The following TNS1 variants were observed in gnomAD, a reference collection of about 807,000 sequenced individuals.
TNS1 encodes tensin-1.
TNS1 carries 62 observed loss-of-function variants against 168.6 expected under a neutral mutation model. The ratio of observed to expected loss-of-function variants is 0.37; its 90% CI spans 0.30 to 0.45. The LOEUF is 0.45. TNS1 is among the 20% of genes least tolerant of loss of function. TNS1 has a pLI of 1.00. For missense variants in TNS1, 2,240 were observed against 2,339.4 expected (o/e 0.96, Z 0.88); for synonymous variants, 934 against 933.2 (o/e 1.00, Z -0.02).
chr2:218,009,580 T>C (rs1958688289), intron 1 of TNS1, among the ~76,000 whole-genome samples: 1 of 147,180 alleles, frequency 6.8e-6, no homozygotes, highest in African/African-American at 2.5e-5. Flanking sequence ...TCCAGTTCCC[T>C]GGTCCCTCCA....
chr2:217,849,858 C>T (rs1055904199), intron 18 of TNS1: 3 of 985,334 alleles, frequency 3.0e-6, no homozygotes, highest in Non-Finnish European at 3.6e-6. Flanking sequence ...AGGGCCCCAC[C>T]ATGCCCAAGG....
rs1216232621 is a variant in TNS1, at chr2:217,809,252, C to CATGG, written c.5273+567_5273+570dup. On this transcript the variant is annotated intron_variant, in intron 30 of 32. Coordinates refer to ENST00000682258, the MANE Select transcript of TNS1 (RefSeq NM_001387777.1). The stretch of plus-strand genomic sequence containing the variant: ...GGATGGATGGATGGATGGATGGATG[C>CATGG]ATGGATGGATGGATGGATGGATGGA... Among the ~76,000 whole-genome samples, 5 of 12,102 alleles carry CATGG rather than the reference C, an allele frequency of 4.1e-4. 2 individuals carry two copies. The highest frequency in any genetic ancestry group is 4.6e-3 in the South Asian group (2 of 436). 7.9% of individuals were successfully genotyped at this position (12,102 alleles called of 152,430 possible). A position where few individuals can be genotyped will look rare whatever the true frequency, so the allele number is the denominator to read the frequency against.
At chr2:217,890,910 A>G in intron 12 of TNS1, 52 bp downstream of exon 12, 1 of 1,584,608 alleles carries the variant, frequency 6.3e-7, no homozygotes, top group African/African-American at 1.3e-5. Flanking sequence ...TAGTCCCCAC[A>G]TAGAGTGAGT....
In TNS1 at chr2:217,842,031, C is replaced by A. The variant is rs1190752179; in HGVS notation, c.3007+5479G>T. 7.1e-6 allele frequency: 5 copies of A among 702,120 alleles called. No individual in the cohort carries two copies. In the African/African-American group the frequency reaches 8.7e-5, roughly 12 times the overall value. 43.5% of individuals were successfully genotyped at this position (702,120 alleles called of 1,614,324 possible). ...GCCAACATTGCCCCTGCCCTGGCCC[C>A]CAGAGTTCAAGCTATGTTACCTTTC... On this transcript the variant is annotated intron_variant, in intron 19 of 32. Coordinates refer to ENST00000682258, the MANE Select transcript of TNS1 (RefSeq NM_001387777.1).
chr2:217,871,219 A>T (rs1374246182), intron 18 of TNS1, among the ~76,000 whole-genome samples: 1 of 152,196 alleles, frequency 6.6e-6, no homozygotes, highest in East Asian at 1.9e-4. Context: ...CTCTCCTGCT[A>T]GTATCTCAGC....
At position 217,848,895 on chromosome 2, in the gene TNS1, T is replaced by A. The variant is rs1380570457; in HGVS notation, c.1622A>T (p.Asp541Val). 1 of 1,613,906 alleles carries A rather than the reference T, an allele frequency of 6.2e-7. No individual in the cohort carries two copies. Among genetic ancestry groups the A allele is most frequent in the African/African-American group, 1.3e-5 (1 of 74,870 alleles). ...CCCGGGGACAGGCTCGTCGGTCTTG[T>A]CGGTCTTGGTGGAGGCTGTGGAGTT... ...SGNSTASTKT[D>V]KTDEPVPGAS... The change falls in exon 19 of 33, where the codon GAC (aspartate) becomes GTC (valine). Residue 541 changes from aspartate to valine, a missense_variant. Coordinates refer to ENST00000682258, the MANE Select transcript of TNS1 (RefSeq NM_001387777.1).
chr2:217,829,919 A>G, intron 22 of TNS1: 1 of 1,611,782 alleles, frequency 6.2e-7, no homozygotes, highest in Non-Finnish European at 8.5e-7. Flanking sequence ...GAGGAAGGAG[A>G]GGCAGGAAAG....
chr2:217,984,012 C>G (rs1179732696), intron 2 of TNS1, among the ~76,000 whole-genome samples: 1 of 152,130 alleles, frequency 6.6e-6, no homozygotes, highest in Non-Finnish European at 1.5e-5. Context: ...TGGGCCTCAT[C>G]CAATCAGTTG....
chr2:217,980,538 GA>G, intron 2 of TNS1, among the ~76,000 whole-genome samples: 1 of 134,014 alleles, frequency 7.5e-6, no homozygotes, highest in Non-Finnish European at 1.6e-5. Flanking sequence ...GAGAGAGAGA[GA>G]GAGAGAGGAG....
At position 217,817,751 on chromosome 2, in the gene TNS1, A is replaced by G. The variant is rs12694422; in HGVS notation, c.4581T>C (p.Ser1527=). ...SPVASGMSSP[S]GGSTVSFSHT... is the part of the protein sequence containing the mutation. ...GGGAGAAGGAGACGGTGCTGCCCCC[A>G]CTGGGACTGGACATGCCGCTGGCGA... is the stretch of plus-strand genomic sequence containing the variant. The change falls in exon 24 of 33, where the codon AGT becomes AGC. Residue 1527 remains serine (S), a synonymous_variant. Coordinates refer to ENST00000682258, the MANE Select transcript of TNS1 (RefSeq NM_001387777.1). 0.4 allele frequency: 651,704 copies of G among 1,612,754 alleles called. 132,737 individuals are homozygous for G. The highest frequency in any genetic ancestry group is 0.49 in the Middle Eastern group (2,985 of 6,058).
chr2:217,900,279 A>T (rs1400119215), intron 7 of TNS1, among the ~76,000 whole-genome samples, 184 bp downstream of exon 7: 1 of 152,256 alleles, frequency 6.6e-6, no homozygotes, highest in Non-Finnish European at 1.5e-5. Flanking sequence ...TAAGAGCTCA[A>T]AACACAACTG....
intron 17 of TNS1, chr2:217,881,554 C>T (rs2888521): frequency 0.11 from 17,098 of 153,514 alleles, 1,117 homozygotes; most frequent in South Asian, 0.25. Context: ...CTAGGGGGCA[C>T]GGCAGAATCT....
At chr2:217,811,501 C>T (rs200900194) in intron 28 of TNS1, among the ~76,000 whole-genome samples, 1 of 152,134 alleles carries the variant, frequency 6.6e-6, no homozygotes, top group East Asian at 1.9e-4. Context: ...CCAGGAGCTC[C>T]AAGAAAGACT....
At chr2:217,956,370 G>A (rs1411509800) in intron 3 of TNS1, among the ~76,000 whole-genome samples, 1 of 152,088 alleles carries the variant, frequency 6.6e-6, no homozygotes, top group Non-Finnish European at 1.5e-5. Flanking sequence ...GAGGCTCCTG[G>A]AGGGAACATG....
chr2:217,835,325 C>T (rs1945018536), intron 20 of TNS1, among the ~76,000 whole-genome samples, 159 bp from the exon 21 acceptor site: 1 of 152,196 alleles, frequency 6.6e-6, no homozygotes, highest in African/African-American at 2.4e-5. Context: ...CAGGTCCTGC[C>T]ACAGGCAGGA....
intron 1 of TNS1, among the ~76,000 whole-genome samples, chr2:218,016,895 A>G (rs1108791): frequency 0.54 from 82,286 of 152,058 alleles, 22,853 homozygotes; most frequent in Middle Eastern, 0.66. Context: ...GAGCATCCAT[A>G]AAGAGCAGCG....
At chr2:217,876,738 T>C (rs920809856) in intron 18 of TNS1, among the ~76,000 whole-genome samples, 1 of 151,932 alleles carries the variant, frequency 6.6e-6, no homozygotes, top group African/African-American at 2.4e-5. Flanking sequence ...TCTGGTGTCT[T>C]TATAAGAAGA....
intron 3 of TNS1, among the ~76,000 whole-genome samples, chr2:217,921,517 C>G (rs1955699588): frequency 6.6e-6 from 1 of 152,232 alleles, no homozygotes; most frequent in Non-Finnish European, 1.5e-5. Flanking sequence ...AGGCTTGACA[C>G]AGCAGCCCAG....
rs1318258890 is a variant in TNS1 at position 217,801,718 on chromosome 2, G to A, written c.*2741C>T. ...GTTGTGTGTGCGTAGGTGTGTGCAT[G>A]GGTGCACAGCCCGCCGTGACACAGA... On this transcript the variant is annotated 3_prime_UTR_variant, in exon 33 of 33. Transcript: ENST00000682258. 6.6e-6 allele frequency: 1 copy of A among 152,292 alleles called. No individual in the cohort carries two copies. Among genetic ancestry groups the A allele is most frequent in the East Asian group, 1.9e-4 (1 of 5,206 alleles). The allele number at this position is 152,292 out of a possible 1,614,324, so 9.4% of individuals were successfully genotyped here. A position where few individuals can be genotyped will look rare whatever the true frequency, so the allele number is the denominator to read the frequency against.
Sources: gnomAD v4.1 joint callset for allele counts (sites outside exome capture counted in the v4.1 genomes callset) on GRCh38, gnomAD v4.1.1 for gene constraint, MANE v1.5 for transcripts, NCBI Gene and HGNC (gene_info 2026-07-23, HGNC 2026-07-21) for gene names.